KPNA5: variants seen among roughly 807,000 people sequenced by gnomAD.
KPNA5 encodes the protein importin subunit alpha-6.
KPNA5 carries 46 observed loss-of-function variants against 71.3 expected under a neutral mutation model. The observed-to-expected ratio is 0.65, with a 90% CI of 0.51 to 0.83. The LOEUF (loss-of-function observed/expected upper bound fraction) is 0.83, where lower values mean the gene tolerates loss of function less well. Ranked by LOEUF, KPNA5 falls within the 40% of genes least tolerant of loss-of-function variation. The pLI, the probability that KPNA5 is intolerant of heterozygous loss-of-function variation, is 0.00. For synonymous variants in KPNA5, 207 were observed against 201.4 expected (o/e 1.03, Z -0.24); for missense variants, 547 against 628.3 (o/e 0.87, Z 1.38).
At chr6:116,731,197 C>T (rs1010011618) in intron 13 of KPNA5, among the ~76,000 whole-genome samples, 4 of 152,028 alleles carry the variant, frequency 2.6e-5, no homozygotes, top group African/African-American at 9.7e-5. Flanking sequence ...ATTCACTTTT[C>T]TGTATTAAGT....
intron 1 of KPNA5, among the ~76,000 whole-genome samples, chr6:116,682,693 C>T (rs1039064009): frequency 6.6e-6 from 1 of 152,170 alleles, no homozygotes; most frequent in African/African-American, 2.4e-5. Flanking sequence ...CCAACTTAAA[C>T]ATGGTTTTTC....
intron 6 of KPNA5, 21 bp from the exon 7 acceptor site, chr6:116,705,046 TTAAGA>T: frequency 6.4e-7 from 1 of 1,551,198 alleles, no homozygotes; most frequent in South Asian, 1.1e-5. Context: ...AAATATTGTC[TTAAGA>T]TAATTTTTTT....
intron 2 of KPNA5, among the ~76,000 whole-genome samples, chr6:116,690,309 T>A (rs1265010258): frequency 2.6e-5 from 4 of 152,168 alleles, no homozygotes; most frequent in African/African-American, 9.7e-5. Context: ...TTATAGTAGG[T>A]ACTAAAAAAA....
At chr6:116,694,809 T>C (rs1300162216) in intron 4 of KPNA5, among the ~76,000 whole-genome samples, 1 of 152,190 alleles carries the variant, frequency 6.6e-6, no homozygotes, top group Non-Finnish European at 1.5e-5. Flanking sequence ...GCTACAATAA[T>C]TGTTAAGCAA....
chr6:116,690,049 C>T (rs906011174), intron 2 of KPNA5, among the ~76,000 whole-genome samples: 1 of 149,010 alleles, frequency 6.7e-6, no homozygotes, highest in African/African-American at 2.6e-5. Context: ...ATGAAAAGGA[C>T]TAGCAGTGAA....
intron 6 of KPNA5, among the ~76,000 whole-genome samples, chr6:116,703,263 AT>A (rs372587084): frequency 0.035 from 5,034 of 142,758 alleles, 125 homozygotes; most frequent in African/African-American, 0.077. Context: ...CAAAAGATAA[AT>A]TTTTTTTTTT....
intron 2 of KPNA5, among the ~76,000 whole-genome samples, chr6:116,690,338 T>G (rs1194730584): frequency 2.0e-5 from 3 of 152,250 alleles, no homozygotes; most frequent in South Asian, 4.1e-4. Flanking sequence ...AATAAATGAT[T>G]AGAAGGAAGA....
intron 9 of KPNA5, among the ~76,000 whole-genome samples, chr6:116,723,300 A>G (rs1481219538): frequency 2.0e-5 from 3 of 152,240 alleles, no homozygotes; most frequent in African/African-American, 7.2e-5. Flanking sequence ...AGGTATGGAA[A>G]TAAATATATA....
intron 4 of KPNA5, among the ~76,000 whole-genome samples, chr6:116,698,284 T>G (rs1778103677): frequency 6.6e-6 from 1 of 152,038 alleles, no homozygotes; most frequent in South Asian, 2.1e-4. Flanking sequence ...AAGAATCTTG[T>G]TTGACAGACA....
intron 9 of KPNA5, among the ~76,000 whole-genome samples, chr6:116,722,520 T>C (rs1779147149): frequency 6.6e-6 from 1 of 152,208 alleles, no homozygotes; most frequent in South Asian, 2.1e-4. Flanking sequence ...CTTAGTTTAA[T>C]GTGATCTCTT....
chr6:116,703,288 G>C (rs1265830379), intron 6 of KPNA5, among the ~76,000 whole-genome samples: 1 of 148,118 alleles, frequency 6.8e-6, no homozygotes, highest in East Asian at 2.0e-4. Flanking sequence ...TTGAGATGAA[G>C]TCTTGCTCTC....
Position 116,740,768 on chromosome 6 carries a change from C to T in KPNA5, c.*8445C>T, listed in dbSNP as rs1489321920. The T allele has an allele frequency of 6.7e-6, 1 of 149,128 alleles. No homozygotes were observed. Among genetic ancestry groups the T allele is most frequent in the South Asian group, 2.1e-4 (1 of 4,752 alleles). 9.2% of individuals were successfully genotyped at this position (149,128 alleles called of 1,614,324 possible). ...AACAAAAAACCAAATGCCGCATCTT[C>T]TCACTCATAGGTGGGAATTGAACAA... is the stretch of plus-strand genomic sequence containing the variant. On this transcript the variant is annotated 3_prime_UTR_variant, in exon 14 of 14. Transcript: ENST00000368564.
intron 7 of KPNA5, among the ~76,000 whole-genome samples, chr6:116,706,515 C>G (rs1031006199): frequency 2.8e-4 from 42 of 151,994 alleles, no homozygotes; most frequent in African/African-American, 9.9e-4. Flanking sequence ...CATGGAGAAA[C>G]CCCGTCTCTA....
intron 13 of KPNA5, among the ~76,000 whole-genome samples, chr6:116,730,084 A>AT (rs66651825): frequency 0.2 from 24,673 of 124,656 alleles, 2,918 homozygotes; most frequent in East Asian, 0.39. Flanking sequence ...AAAATATGTA[A>AT]TTTTTTTTTT....
intron 4 of KPNA5, among the ~76,000 whole-genome samples, chr6:116,694,381 C>G (rs1777935071): frequency 6.6e-6 from 1 of 152,018 alleles, no homozygotes; most frequent in Admixed American, 6.6e-5. Flanking sequence ...ATGGAATGTT[C>G]TTCCATTTGT....
intron 2 of KPNA5, among the ~76,000 whole-genome samples, chr6:116,691,058 G>A (rs1201540371): frequency 2.0e-5 from 3 of 152,014 alleles, no homozygotes; most frequent in African/African-American, 2.4e-5. Flanking sequence ...GTGAAACCCC[G>A]TCTCTACTAA....
chr6:116,681,400 A>G (rs955015704), intron 1 of KPNA5, 62 bp downstream of exon 1: 3 of 1,498,018 alleles, frequency 2.0e-6, no homozygotes, highest in African/African-American at 1.5e-5. Context: ...TTTGGGAACT[A>G]CTAGTTCCTG....
At chr6:116,692,452 TTTA>T (rs1304014677) in intron 4 of KPNA5, 60 bp downstream of exon 4, 1 of 1,062,464 alleles carries the variant, frequency 9.4e-7, no homozygotes, top group African/African-American at 1.6e-5. Flanking sequence ...AGAGGTTTAT[TTTA>T]TTGTTTTTTT....
At chr6:116,719,641 G>T (rs760893810) in intron 8 of KPNA5, among the ~76,000 whole-genome samples, 5 of 151,954 alleles carry the variant, frequency 3.3e-5, no homozygotes, top group Non-Finnish European at 5.9e-5. Flanking sequence ...GAGCCCAGGG[G>T]TTCGAGGCCA....
Sources: gnomAD v4.1 joint callset for allele counts (sites outside exome capture counted in the v4.1 genomes callset) on GRCh38, gnomAD v4.1.1 for gene constraint, MANE v1.5 for transcripts, NCBI Gene and HGNC (gene_info 2026-07-23, HGNC 2026-07-21) for gene names.